The following TCTN1 variants were observed in gnomAD, a reference collection of about 807,000 sequenced individuals.
The protein encoded by TCTN1 is tectonic-1.
TCTN1 carries 58 observed loss-of-function variants against 65.8 expected under a neutral mutation model. The ratio of observed to expected loss-of-function variants is 0.88; its 90% CI spans 0.71 to 1.10. The LOEUF (loss-of-function observed/expected upper bound fraction) is 1.10. Among genes scored for constraint, TCTN1 ranks in the 50% least tolerant of loss-of-function variants. The pLI is 0.00. For missense variants in TCTN1, 645 were observed against 719.4 expected, an observed-to-expected ratio of 0.90 and a Z score of 1.18; for synonymous variants, 273 against 289.1, an observed-to-expected ratio of 0.94 and a Z score of 0.57.
intron 6 of TCTN1, 73 bp from the exon 7 acceptor site, chr12:110,636,408 G>C (rs764259470): frequency 9.6e-7 from 1 of 1,043,214 alleles, no homozygotes; most frequent in Admixed American, 1.8e-5. Flanking sequence ...TTCAACTCGA[G>C]ATCTGAAAAA....
chr12:110,643,005 C>T (rs2067063769), intron 11 of TCTN1, among the ~76,000 whole-genome samples: 1 of 152,166 alleles, frequency 6.6e-6, no homozygotes, highest in African/African-American at 2.4e-5. Flanking sequence ...ATCTGCCTGC[C>T]TTGGCCTCCC....
At position 110,644,367 on chromosome 12, in the gene TCTN1, A is replaced by C. The variant is rs997914530; in HGVS notation, c.1332-600A>C. The C allele has an allele frequency of 1.9e-5, 3 of 157,638 alleles. No individual in the cohort carries two copies. The highest frequency in any genetic ancestry group is 7.2e-5 in the African/African-American group (3 of 41,466). The allele number at this position is 157,638 out of a possible 1,614,324, so 9.8% of individuals were successfully genotyped here. ...ATTTGGAGAATGAGAAGATAATGAA[A>C]CTGGGAAGGAATGGAACTGCTCGTG... On this transcript the variant is annotated intron_variant, in intron 11 of 14. Transcript: ENST00000397659. This position sits in a 1 kb window ranked among gnomAD's most constrained non-coding sequence, Gnocchi z 4.6.
intron 3 of TCTN1, among the ~76,000 whole-genome samples, chr12:110,626,741 G>A (rs1383374633): frequency 6.8e-6 from 1 of 147,328 alleles, no homozygotes; most frequent in Non-Finnish European, 1.5e-5. Context: ...CACCATGCCT[G>A]GATAATTTTT....
At chr12:110,637,299 G>A (rs1387490169) in intron 7 of TCTN1, among the ~76,000 whole-genome samples, 2 of 152,228 alleles carry the variant, frequency 1.3e-5, no homozygotes, top group African/African-American at 2.4e-5. Context: ...GTGCTGGTGC[G>A]GCATCTGCGC....
At chr12:110,637,875 A>G (rs952919806) in intron 7 of TCTN1, among the ~76,000 whole-genome samples, 2 of 152,144 alleles carry the variant, frequency 1.3e-5, no homozygotes, top group African/African-American at 2.4e-5. Flanking sequence ...TGGGCACTCA[A>G]TGAGTTACGC....
intron 11 of TCTN1, among the ~76,000 whole-genome samples, chr12:110,642,840 T>C (rs1422061371): frequency 6.6e-6 from 1 of 151,754 alleles, no homozygotes; most frequent in Non-Finnish European, 1.5e-5. Flanking sequence ...CACTGCAACC[T>C]CTGCCTCTGG....
intron 14 of TCTN1, 24 bp downstream of exon 14, chr12:110,647,917 C>T (rs767776040): frequency 1.9e-6 from 3 of 1,612,020 alleles, no homozygotes; most frequent in South Asian, 2.2e-5. Context: ...CTACGCCCCT[C>T]CTCTGAGGTC....
chr12:110,620,054 C>T (rs1404313681), intron 2 of TCTN1, 98 bp downstream of exon 2: 1 of 1,558,016 alleles, frequency 6.4e-7, no homozygotes, highest in African/African-American at 1.4e-5. Context: ...AAACCCAAAC[C>T]TGATTTCCAG....
intron 12 of TCTN1, chr12:110,646,942 G>GT: frequency 2.1e-6 from 1 of 484,604 alleles, no homozygotes. Flanking sequence ...CACTACCGCA[G>GT]TTTCAGGTGA....
rs1377582161 is a variant in TCTN1 at position 110,642,404 on chromosome 12, T to C, written c.1331+15T>C. On this transcript the variant is annotated intron_variant, in intron 11 of 14. Transcript: ENST00000397659. The stretch of plus-strand genomic sequence containing the variant: ...TGTAAACTAAGGTAAAAGAGTCACT[T>C]GTTTCTGTTTGAACTTGTGCTGATC... The C allele has an allele frequency of 6.2e-7, 1 of 1,614,220 alleles. No homozygotes were observed.
Position 110,619,003 on chromosome 12 carries a change from C to T in TCTN1, c.221-833C>T, listed in dbSNP as rs569041994. ...CTGGCCAACATGGTGAAACCCCGTCCCTAATAAAAATACAAAAAAAAAAAA... is the reference window on the plus strand; with the variant it reads ...CTGGCCAACATGGTGAAACCCCGTCTCTAATAAAAATACAAAAAAAAAAAA... On this transcript the variant is annotated intron_variant, in intron 1 of 14. Coordinates refer to ENST00000397659, the MANE Select transcript of TCTN1 (RefSeq NM_001082538.3). 6.9e-3 allele frequency among the ~76,000 whole-genome samples: 1,032 copies of T among 150,166 alleles called. 1 individual carries two copies. The highest frequency in any genetic ancestry group is 9.4e-3 in the Non-Finnish European group (634 of 67,512).
Position 110,639,414 on chromosome 12 carries a change from T to C in TCTN1, c.844-969T>C, listed in dbSNP as rs1451809722. Among the ~76,000 whole-genome samples the C allele has an allele frequency of 1.3e-5, 2 of 152,094 alleles. No individual in the cohort carries two copies. Among genetic ancestry groups the C allele is most frequent in the Non-Finnish European group, 2.9e-5 (2 of 68,022 alleles). On this transcript the variant is annotated intron_variant, in intron 7 of 14. Transcript: ENST00000397659. The surrounding 1 kb of genome is among the most constrained non-coding windows in gnomAD (Gnocchi z 4.9). ...GTCTGTGTCTGTTTTTTGTTGCTCA[T>C]AATCCTACCACCCAGAGAAACCACT...
At chr12:110,620,024 G>A (rs2065304885) in intron 2 of TCTN1, 68 bp downstream of exon 2, 5 of 1,610,916 alleles carry the variant, frequency 3.1e-6, no homozygotes, top group Non-Finnish European at 4.2e-6. Context: ...TGGAGAAAGG[G>A]AAAACTTTCC....
chr12:110,619,851 T>C lies in TCTN1; in HGVS notation c.236T>C (p.Val79Ala), dbSNP rs775868763. ...TTTTCTGCAGTTGCTGTTCTCTGTG[T>C]CTGTGACTTATCCCCAGCACAGTGT... ...TPVTDVAVLCVCDLSPAQCDI... is the reference protein window; with the variant it reads ...TPVTDVAVLCACDLSPAQCDI... Residue 79 changes from valine (V) to alanine (A), a missense_variant, in exon 2 of 15, where the codon GTC becomes GCC. Transcript: ENST00000397659. 1 of 1,614,174 alleles carries C rather than the reference T, an allele frequency of 6.2e-7. No homozygotes were observed. Among genetic ancestry groups the C allele is most frequent in the Non-Finnish European group, 8.5e-7 (1 of 1,180,032 alleles).
intron 2 of TCTN1, among the ~76,000 whole-genome samples, chr12:110,625,251 G>T (rs1336832984): frequency 3.3e-5 from 5 of 151,954 alleles, no homozygotes; most frequent in Admixed American, 3.3e-4. Flanking sequence ...TCTCAATTTT[G>T]TTTTTTTCTG....
intron 4 of TCTN1, 152 bp downstream of exon 4, chr12:110,629,070 T>C (rs547233058): frequency 4.8e-6 from 4 of 841,070 alleles, no homozygotes; most frequent in Non-Finnish European, 7.5e-6. Flanking sequence ...AAATCAAAGA[T>C]CATGAAAATT....
intron 1 of TCTN1, 67 bp downstream of exon 1, chr12:110,614,469 G>A (rs1366006586): frequency 6.4e-7 from 1 of 1,551,040 alleles, no homozygotes; most frequent in Admixed American, 2.0e-5. Context: ...CCCCGGTGAG[G>A]ACGTAATAAT....
intron 3 of TCTN1, chr12:110,627,866 A>G (rs1202824094): frequency 1.6e-6 from 1 of 619,306 alleles, no homozygotes; most frequent in Admixed American, 2.9e-5. Context: ...TATTTGTCAA[A>G]TTCTGTCATA....
intron 3 of TCTN1, among the ~76,000 whole-genome samples, chr12:110,627,410 A>G (rs186990615): frequency 2.3e-4 from 35 of 152,194 alleles, no homozygotes; most frequent in Middle Eastern, 3.4e-3. Context: ...AGTTAGATTT[A>G]AAGCAATTAT....
Sources: gnomAD v4.1 joint callset for allele counts (sites outside exome capture counted in the v4.1 genomes callset) on GRCh38, gnomAD v4.1.1 for gene constraint, Gnocchi (gnomAD v3.1) non-coding constraint, MANE v1.5 for transcripts, NCBI Gene and HGNC (gene_info 2026-07-23, HGNC 2026-07-21) for gene names.